Variants in KHDRBS3 observed in about 807,000 individuals in gnomAD.
The protein encoded by KHDRBS3 is KH RNA binding domain containing, signal transduction associated 3.
In KHDRBS3, 23 loss-of-function variants were observed where a neutral mutation model predicts 45.6. The observed-to-expected ratio is 0.50, with a 90% CI of 0.36 to 0.72. The LOEUF (loss-of-function observed/expected upper bound fraction) is 0.72. Ranked by LOEUF, KHDRBS3 falls within the 30% of genes least tolerant of loss-of-function variation. KHDRBS3 has a pLI of 0.00. For missense variants in KHDRBS3, 352 were observed against 424.8 expected, an observed-to-expected ratio of 0.83 and a Z score of 1.51; for synonymous variants, 162 against 156.5, an observed-to-expected ratio of 1.04 and a Z score of -0.26.
chr8:135,634,304 T>G (rs1830722230), intron 7 of KHDRBS3, among the ~76,000 whole-genome samples: 1 of 152,184 alleles, frequency 6.6e-6, no homozygotes, highest in African/African-American at 2.4e-5. Flanking sequence ...GTGATGGATG[T>G]CCTCCCGAGC....
At chr8:135,602,751 A>G (rs1424480663) in intron 6 of KHDRBS3, among the ~76,000 whole-genome samples, 1 of 152,166 alleles carries the variant, frequency 6.6e-6, no homozygotes, top group Non-Finnish European at 1.5e-5. Context: ...TCTCAACTTC[A>G]TCTTCACCCT....
chr8:135,639,836 C>T (rs1340640736), intron 7 of KHDRBS3, among the ~76,000 whole-genome samples: 1 of 152,158 alleles, frequency 6.6e-6, no homozygotes, highest in Non-Finnish European at 1.5e-5. Flanking sequence ...TGTTGCTAAA[C>T]CATTCATGAG....
Position 135,583,222 on chromosome 8 carries a change from C to T in KHDRBS3, c.807+1149C>T, listed in dbSNP as rs1301290912. Among the ~76,000 whole-genome samples, 3 of 152,154 alleles carry T rather than the reference C, an allele frequency of 2.0e-5. No homozygotes were observed. In the East Asian group the frequency reaches 5.8e-4, roughly 29 times the overall value. On this transcript the variant is annotated intron_variant, in intron 6 of 8. Coordinates refer to ENST00000355849, the MANE Select transcript of KHDRBS3 (RefSeq NM_006558.3). ...AAGGGCAGGAATGGATAGCTTTTAT[C>T]TCTTTATACTTGGGAGAGAGTGCAT...
At chr8:135,626,675 G>T (rs1334988210) in intron 7 of KHDRBS3, among the ~76,000 whole-genome samples, 1 of 151,914 alleles carries the variant, frequency 6.6e-6, no homozygotes, top group Non-Finnish European at 1.5e-5. Context: ...GTGTTGGCGG[G>T]CGCCTGTAGT....
At chr8:135,648,670 G>A (rs1296082341), downstream of KHDRBS3, 1 of 152,098 alleles carries the variant, frequency 6.6e-6, no homozygotes, top group Non-Finnish European at 1.5e-5. Context: ...CTTATCTGAA[G>A]TCACATGGAA....
intron 6 of KHDRBS3, among the ~76,000 whole-genome samples, chr8:135,597,465 C>T (rs1482294866): frequency 5.9e-5 from 9 of 152,110 alleles, no homozygotes; most frequent in Non-Finnish European, 5.9e-5. Context: ...CCCCTAAAAT[C>T]CATGTGACCA....
chr8:135,622,201 A>G (rs1367428004), intron 7 of KHDRBS3, among the ~76,000 whole-genome samples: 1 of 152,162 alleles, frequency 6.6e-6, no homozygotes, highest in African/African-American at 2.4e-5. Flanking sequence ...AGTGCCTACC[A>G]CAGTGCTAGA....
intron 7 of KHDRBS3, among the ~76,000 whole-genome samples, chr8:135,608,862 C>A (rs1829585046): frequency 6.6e-6 from 1 of 152,090 alleles, no homozygotes; most frequent in African/African-American, 2.4e-5. Context: ...AGTGGACACA[C>A]AATGGTATTT....
intron 3 of KHDRBS3, among the ~76,000 whole-genome samples, chr8:135,546,723 C>T (rs978007141): frequency 6.6e-6 from 1 of 152,094 alleles, no homozygotes; most frequent in Non-Finnish European, 1.5e-5. Context: ...TAAAAATCAC[C>T]CCTTTAAGAT....
chr8:135,588,609 TG>T (rs967532959), intron 6 of KHDRBS3, among the ~76,000 whole-genome samples: 1 of 152,186 alleles, frequency 6.6e-6, no homozygotes, highest in African/African-American at 2.4e-5. Context: ...AGGGGCTTTC[TG>T]GAAGTCATCT....
intron 1 of KHDRBS3, among the ~76,000 whole-genome samples, chr8:135,490,994 T>G (rs1823122504): frequency 6.6e-6 from 1 of 152,220 alleles, no homozygotes. Context: ...TCTTTGCGTT[T>G]CTTTGGTAGT....
Position 135,638,594 on chromosome 8 carries a change from T to G in KHDRBS3, c.891-6465T>G, listed in dbSNP as rs1586845222. Among the ~76,000 whole-genome samples the G allele has an allele frequency of 1.3e-5, 2 of 152,312 alleles. 1 individual carries two copies. Among genetic ancestry groups the G allele is most frequent in the South Asian group, 4.1e-4 (2 of 4,826 alleles). ...ATAAAATAAGTGACTAAATCTTAGA[T>G]GGATAGGAAGACATAGCGTTCATAA... is the stretch of plus-strand genomic sequence containing the variant. On this transcript the variant is annotated intron_variant, in intron 7 of 8. Coordinates refer to ENST00000355849, the MANE Select transcript of KHDRBS3 (RefSeq NM_006558.3).
At chr8:135,515,234 C>T (rs1014402057) in intron 1 of KHDRBS3, among the ~76,000 whole-genome samples, 1 of 151,484 alleles carries the variant, frequency 6.6e-6, no homozygotes, top group Non-Finnish European at 1.5e-5. Context: ...GGCGTGGTGG[C>T]GGGCGCCTGT....
At chr8:135,600,070 C>T (rs866776095) in intron 6 of KHDRBS3, among the ~76,000 whole-genome samples, 9 of 150,740 alleles carry the variant, frequency 6.0e-5, no homozygotes, top group Middle Eastern at 6.9e-3. Flanking sequence ...ACCTCTCTCA[C>T]AGCACCAGGC....
At chr8:135,485,454 C>T (rs143457106) in intron 1 of KHDRBS3, among the ~76,000 whole-genome samples, 246 of 152,128 alleles carry the variant, frequency 1.6e-3, no homozygotes, top group Middle Eastern at 0.01. Flanking sequence ...TAAAGTATGA[C>T]GGTCTATGGC....
intron 6 of KHDRBS3, among the ~76,000 whole-genome samples, chr8:135,605,487 A>G (rs1020558853): frequency 1.8e-4 from 27 of 151,934 alleles, no homozygotes; most frequent in African/African-American, 6.0e-4. Flanking sequence ...GTTCTTTTTT[A>G]TGTTTTCTAT....
intron 1 of KHDRBS3, among the ~76,000 whole-genome samples, chr8:135,482,472 C>G (rs1467450571): frequency 6.6e-6 from 1 of 152,112 alleles, no homozygotes; most frequent in African/African-American, 2.4e-5. Context: ...AGACTGGTTT[C>G]TGGAAGAAAC....
intron 5 of KHDRBS3, among the ~76,000 whole-genome samples, chr8:135,569,128 G>A (rs1256118586): frequency 1.3e-5 from 2 of 151,850 alleles, no homozygotes; most frequent in East Asian, 1.9e-4. Flanking sequence ...TGCCTCAACC[G>A]TTTTTATTCA....
At chr8:135,567,435 A>G (rs1827483452) in intron 5 of KHDRBS3, among the ~76,000 whole-genome samples, 1 of 152,224 alleles carries the variant, frequency 6.6e-6, no homozygotes, top group Admixed American at 6.5e-5. Context: ...GAAGTATGGA[A>G]TAACTCCAGT....
Sources: gnomAD v4.1 joint callset for allele counts (sites outside exome capture counted in the v4.1 genomes callset) on GRCh38, gnomAD v4.1.1 for gene constraint, MANE v1.5 for transcripts, NCBI Gene and HGNC (gene_info 2026-07-23, HGNC 2026-07-21) for gene names.